TTN: variants seen among roughly 807,000 people sequenced by gnomAD.
TTN encodes the protein connectin.
TTN carries 1,525 observed loss-of-function variants against 3,223.0 expected under a neutral mutation model. The observed-to-expected ratio is 0.47, with a 90% CI of 0.45 to 0.49. The LOEUF (loss-of-function observed/expected upper bound fraction) is 0.49. Among genes scored for constraint, TTN ranks in the 20% least tolerant of loss-of-function variants. The probability of loss-of-function intolerance (pLI) is 0.00; values close to 1 mark genes in which losing one functional copy is unlikely to be tolerated. For missense variants in TTN, 40,786 were observed against 43,424.0 expected, an observed-to-expected ratio of 0.94 and a Z score of 5.40; for synonymous variants, 14,094 against 15,161.0, an observed-to-expected ratio of 0.93 and a Z score of 5.17.
chr2:178,555,000 C>A lies in TTN; in HGVS notation c.88459G>T (p.Val29487Leu), dbSNP rs200899806. Residue 29487 changes from valine to leucine, a missense_variant, in exon 331 of 363, where the codon GTG (valine) becomes TTG (leucine). Physicochemically the swap from Val to Leu is conservative, Grantham distance 32 (BLOSUM62 1). Transcript: ENST00000589042. ...DDKELQTNAL[V>L]CVENTTDLAS... Reference sequence around the variant, plus strand: ...AGGTCCGTGGTATTTTCAACACACACCAGTGCATTGGTTTGTAATTCTTTA... The same window carrying A: ...AGGTCCGTGGTATTTTCAACACACAACAGTGCATTGGTTTGTAATTCTTTA... 6.2e-7 allele frequency: 1 copy of A among 1,613,660 alleles called. No homozygotes were observed. The highest frequency in any genetic ancestry group is 1.7e-5 in the Admixed American group (1 of 59,992).
In TTN at chr2:178,750,096, G is replaced by T. The variant is rs753123622; in HGVS notation, c.11311+3028C>A. The T allele has an allele frequency of 1.7e-5, 27 of 1,613,020 alleles. No homozygotes were observed. Among genetic ancestry groups the T allele is most frequent in the Non-Finnish European group, 2.2e-5 (26 of 1,179,494 alleles). On this transcript the variant is annotated intron_variant, in intron 47 of 362. Coordinates refer to ENST00000589042, the MANE Select transcript of TTN (RefSeq NM_001267550.2). ...GCTGCTGTTACCTGAATTTCTACAG[G>T]AAAGGAAAGCAATTCTGTGTCTCCA...
In TTN at chr2:178,560,662, T is replaced by G. The variant is rs772128356; in HGVS notation, c.85470A>C (p.Lys28490Asn). 4 of 1,613,620 alleles carry G rather than the reference T, an allele frequency of 2.5e-6. No homozygotes were observed. The highest frequency in any genetic ancestry group is 1.7e-5 in the Admixed American group (1 of 59,994). ...GADIDYYIVE[K>N]RETSHLAWTI... ...TCCATGCAAGGTGGCTTGTTTCACG[T>G]TTTTCTACGATGTAATAGTCGATAT... is the stretch of plus-strand genomic sequence containing the variant. Residue 28490 changes from lysine (K) to asparagine (N), a missense_variant, in exon 326 of 363, where the codon AAA becomes AAC. Transcript: ENST00000589042.
At chr2:178,791,337 G>A (rs1243506275) in intron 10 of TTN, among the ~76,000 whole-genome samples, 1 of 152,184 alleles carries the variant, frequency 6.6e-6, no homozygotes, top group African/African-American at 2.4e-5. Context: ...AAAGAAAGTA[G>A]CTCTAAGATC....
Position 178,652,342 on chromosome 2 carries a change from C to T in TTN, c.39133G>A (p.Glu13045Lys). 1.2e-6 allele frequency: 2 copies of T among 1,613,668 alleles called. No homozygotes were observed. Among genetic ancestry groups the T allele is most frequent in the Non-Finnish European group, 1.7e-6 (2 of 1,179,704 alleles). ...TCAGGAACAACTTCTTTGGGAGCCT[C>T]AGGCACTTGAAAGATAATAGTGAAA... The part of the protein sequence containing the change: ...KPEVTPVKVP[E>K]APKEVVPEKK... Residue 13045 changes from glutamate to lysine, a missense_variant, in exon 203 of 363, where the codon GAG becomes AAG. By Grantham distance (56) the Glu-to-Lys change is moderately conservative. Transcript: ENST00000589042.
chr2:178,583,144 C>T lies in TTN; in HGVS notation c.65659G>A (p.Val21887Ile). The T allele has an allele frequency of 1.2e-6, 2 of 1,612,476 alleles. No individual in the cohort carries two copies. Among genetic ancestry groups the T allele is most frequent in the Non-Finnish European group, 1.7e-6 (2 of 1,179,118 alleles). The change falls in exon 313 of 363, where the codon GTT becomes ATT. Residue 21887 changes from valine to isoleucine, a missense_variant. Transcript: ENST00000589042. ...AGTNVCLDATVFGKPMPTVSW... is the reference protein window; with the variant it reads ...AGTNVCLDATIFGKPMPTVSW... ...ACTGTTGGCATCGGTTTACCAAAAACAGTAGCATCCAAGCAGACATTAGTT... is the reference window on the plus strand; with the variant it reads ...ACTGTTGGCATCGGTTTACCAAAAATAGTAGCATCCAAGCAGACATTAGTT...
In TTN at chr2:178,527,442, T is replaced by G; in HGVS notation, c.107680+4A>C. 1 of 1,609,432 alleles carries G rather than the reference T, an allele frequency of 6.2e-7. No individual in the cohort carries two copies. The highest frequency in any genetic ancestry group is 1.1e-5 in the South Asian group (1 of 90,950). On this transcript the variant is annotated splice_donor_region_variant and intron_variant, in intron 362 of 362. Coordinates refer to ENST00000589042, the MANE Select transcript of TTN (RefSeq NM_001267550.2). ...CTACCTCTACCAGTAATTTTATTGC[T>G]CACCTCTTATGCCTGCTTTAAGCAT...
chr2:178,789,266 T>C (rs2154353262), intron 13 of TTN, 94 bp downstream of exon 13: 5 of 1,523,994 alleles, frequency 3.3e-6, no homozygotes, highest in Non-Finnish European at 4.5e-6. Flanking sequence ...ATTCAGAGAC[T>C]TGATATTAAT....
intron 293 of TTN, 43 bp from the exon 294 acceptor site, chr2:178,597,862 A>T (rs75731826): frequency 1.2e-6 from 2 of 1,612,452 alleles, no homozygotes; most frequent in African/African-American, 2.7e-5. Flanking sequence ...TTCCCCTTCA[A>T]TCTGAAACAT....
At chr2:178,695,478 A>C in intron 114 of TTN, 68 bp from the exon 115 acceptor site, 2 of 1,207,154 alleles carry the variant, frequency 1.7e-6, no homozygotes, top group Admixed American at 1.7e-5. Context: ...TGTTAATTGC[A>C]AATGAGATAA....
intron 47 of TTN, chr2:178,751,017 T>C: frequency 6.2e-7 from 1 of 1,612,640 alleles, no homozygotes. Context: ...TCAACAATAG[T>C]TTGAAAGCTT....
At position 178,615,618 on chromosome 2, in the gene TTN, G is replaced by A. The variant is rs371199434; in HGVS notation, c.48460+23C>T. Reference sequence around the variant, plus strand: ...AAAAACAGGCAACAAGATTAGGTAAGAAATCATCAAGAATGTACTCACTTG... The same window carrying A: ...AAAAACAGGCAACAAGATTAGGTAAAAAATCATCAAGAATGTACTCACTTG... On this transcript the variant is annotated intron_variant, in intron 258 of 362. Transcript: ENST00000589042. The A allele has an allele frequency of 8.1e-6, 13 of 1,611,416 alleles. No individual in the cohort carries two copies. The African/African-American group carries it at 1.6e-4, about 20-fold the overall frequency.
intron 41 of TTN, among the ~76,000 whole-genome samples, chr2:178,765,263 T>G (rs2090167642): frequency 6.6e-6 from 1 of 152,258 alleles, no homozygotes; most frequent in Non-Finnish European, 1.5e-5. Context: ...CATTTTGTTA[T>G]GTACCAGTGC....
In TTN at chr2:178,776,453, G is replaced by A; in HGVS notation, c.5411C>T (p.Ser1804Phe). The A allele has an allele frequency of 6.2e-7, 1 of 1,608,524 alleles. No homozygotes were observed. Among genetic ancestry groups the A allele is most frequent in the Non-Finnish European group, 8.5e-7 (1 of 1,179,948 alleles). Residue 1804 changes from serine to phenylalanine, a missense_variant, in exon 28 of 363, where the codon TCC becomes TTC. Transcript: ENST00000589042. ...VKDEKSLVEESQLPEGRKGLQ... is the reference protein window; with the variant it reads ...VKDEKSLVEEFQLPEGRKGLQ... ...GCCTTTCCTCCCCTCAGGCAATTGG[G>A]ATTCTTCCACAAGACTTTTCTCATC...
chr2:178,735,559 A>G lies in TTN; in HGVS notation c.14887T>C (p.Ser4963Pro), dbSNP rs754692297. Residue 4963 changes from serine to proline, a missense_variant, in exon 50 of 363, where the codon TCA (serine) becomes CCA (proline). Transcript: ENST00000589042. Reference protein sequence around the residue: ...KDSGTYVCTASNEAGSSSCSA... With the variant: ...KDSGTYVCTAPNEAGSSSCSA... ...CAGGAGCTGCTTCCAGCCTCATTTG[A>G]AGCTGTACAGACATAGGTTCCTGAA... The G allele has an allele frequency of 1.9e-6, 3 of 1,608,000 alleles. No individual in the cohort carries two copies. The South Asian group carries it at 3.4e-5, about 18-fold the overall frequency.
rs1360188274 is a variant in TTN at position 178,751,090 on chromosome 2, C to T, written c.11311+2034G>A. ...GATTAGAAAGGGCATGTGGATTTTG[C>T]ACAATACTCTCAGCTGAATGATCTA... On this transcript the variant is annotated intron_variant, in intron 47 of 362. Coordinates refer to ENST00000589042, the MANE Select transcript of TTN (RefSeq NM_001267550.2). 2.5e-6 allele frequency: 4 copies of T among 1,612,630 alleles called. No individual in the cohort carries two copies. Among genetic ancestry groups the T allele is most frequent in the Admixed American group, 1.7e-5 (1 of 59,880 alleles).
chr2:178,702,033 A>G lies in TTN; in HGVS notation c.30538+7T>C, dbSNP rs969103526. ...AAGCAAGGATTGATTTTTACAAAAC[A>G]ACTTACCAGGAGGCTTCAGCTCAAG... On this transcript the variant is annotated splice_region_variant and intron_variant, in intron 109 of 362. Coordinates refer to ENST00000589042, the MANE Select transcript of TTN (RefSeq NM_001267550.2). 1.2e-6 allele frequency: 2 copies of G among 1,609,854 alleles called. No homozygotes were observed. Among genetic ancestry groups the G allele is most frequent in the African/African-American group, 2.7e-5 (2 of 74,820 alleles).
rs2092044921 is a variant in TTN at position 178,775,018 on chromosome 2, G to C, written c.6693C>G (p.Leu2231=). Residue 2231 remains leucine, a synonymous_variant, in exon 29 of 363, where the codon CTC becomes CTG. Coordinates refer to ENST00000589042, the MANE Select transcript of TTN (RefSeq NM_001267550.2). ...CAGACGTATCAATGGTCAGTATGGAGAGGAAGTGAACCTTTCTGTCAGAGT... is the reference window on the plus strand; with the variant it reads ...CAGACGTATCAATGGTCAGTATGGACAGGAAGTGAACCTTTCTGTCAGAGT... ...RMHSDRKVHF[L]SILTIDTSDA... 1 of 1,614,046 alleles carries C rather than the reference G, an allele frequency of 6.2e-7. No individual in the cohort carries two copies. Among genetic ancestry groups the C allele is most frequent in the Non-Finnish European group, 8.5e-7 (1 of 1,179,966 alleles).
At position 178,771,301 on chromosome 2, in the gene TTN, G is replaced by A. The variant is rs1411544745; in HGVS notation, c.8026C>T (p.Leu2676Phe). 7.4e-6 allele frequency: 12 copies of A among 1,613,972 alleles called. No individual in the cohort carries two copies. The East Asian group carries it at 1.8e-4, about 24-fold the overall frequency. The change falls in exon 34 of 363, where the codon CTT becomes TTT. Residue 2676 changes from leucine (L) to phenylalanine (F), a missense_variant. Transcript: ENST00000589042. ...RSESDGHKRR[L>F]IIAATKLDDI... is the part of the protein sequence containing the mutation. ...TCTAATTTGGTGGCAGCAATGATAA[G>A]TCTCCTTTTGTGGCCATCAGACTCA...
intron 98 of TTN, among the ~76,000 whole-genome samples, chr2:178,710,370 C>T (rs1037157584): frequency 1.3e-5 from 2 of 152,110 alleles, no homozygotes; most frequent in Admixed American, 1.3e-4. Context: ...TCACTTGAAC[C>T]CAGGAGGCAG....
Sources: gnomAD v4.1 joint callset for allele counts (sites outside exome capture counted in the v4.1 genomes callset) on GRCh38, gnomAD v4.1.1 for gene constraint, MANE v1.5 for transcripts, NCBI Gene and HGNC (gene_info 2026-07-23, HGNC 2026-07-21) for gene names.